ADGRD1: variants seen among roughly 807,000 people sequenced by gnomAD.
The protein encoded by ADGRD1 is adhesion G protein-coupled receptor D1.
ADGRD1 carries 77 observed loss-of-function variants against 113.4 expected under a neutral mutation model. The ratio of observed to expected loss-of-function variants is 0.68; its 90% CI spans 0.57 to 0.82. ADGRD1 has a LOEUF of 0.82. ADGRD1 is among the 40% of genes least tolerant of loss of function. The pLI is 0.00. For synonymous variants in ADGRD1, 474 were observed against 475.0 expected (o/e 1.00, Z 0.03); for missense variants, 1,036 against 1,139.1 (o/e 0.91, Z 1.30).
rs76740931 is a variant in ADGRD1 at position 131,077,391 on chromosome 12, C to T, written c.1547+517C>T. On this transcript the variant is annotated intron_variant, in intron 14 of 24. Transcript: ENST00000261654. ...TGGGCCCTGACTGGGACGTCCTCCC[C>T]AGCATCTCCCATGTCCACTTGTCAC... 4.9e-4 allele frequency among the ~76,000 whole-genome samples: 75 copies of T among 152,348 alleles called. No homozygotes were observed. The East Asian group carries it at 8.7e-3, about 18-fold the overall frequency.
rs1167183103 is a variant in ADGRD1, at chr12:131,057,707, T to G, written c.1474-19094T>G. On this transcript the variant is annotated intron_variant, in intron 13 of 24. Coordinates refer to ENST00000261654, the MANE Select transcript of ADGRD1 (RefSeq NM_198827.5). This position sits in a 1 kb window ranked among gnomAD's most constrained non-coding sequence, Gnocchi z 4.2. ...CACAGTCTCATCTTCAACGTTACAT[T>G]AATGACATCTGCAAGGACCCCATTT... is the stretch of plus-strand genomic sequence containing the variant. Among the ~76,000 whole-genome samples, 1 of 152,140 alleles carries G rather than the reference T, an allele frequency of 6.6e-6. No homozygotes were observed. The highest frequency in any genetic ancestry group is 1.5e-5 in the Non-Finnish European group (1 of 68,016).
At chr12:131,131,897 A>T in intron 21 of ADGRD1, 81 bp downstream of exon 21, 1 of 883,906 alleles carries the variant, frequency 1.1e-6, no homozygotes, top group South Asian at 1.4e-5. Flanking sequence ...AGAGATAGCC[A>T]CTCCTGCCTC....
chr12:131,116,182 T>TAC (rs1434404416), intron 18 of ADGRD1, among the ~76,000 whole-genome samples: 2 of 152,224 alleles, frequency 1.3e-5, no homozygotes, highest in African/African-American at 4.8e-5. Context: ...CCTTTGTCCT[T>TAC]ACCCATGGCT....
intron 13 of ADGRD1, among the ~76,000 whole-genome samples, chr12:131,031,376 C>T (rs562938297): frequency 3.9e-5 from 6 of 152,156 alleles, no homozygotes; most frequent in Non-Finnish European, 7.3e-5. Context: ...CAGGAGAATT[C>T]GGGGAGACTG....
intron 21 of ADGRD1, among the ~76,000 whole-genome samples, chr12:131,132,307 C>T (rs1593271766): frequency 1.3e-5 from 2 of 152,170 alleles, no homozygotes; most frequent in African/African-American, 2.4e-5. Flanking sequence ...TGGGCTGCCC[C>T]GCCTGGAGAA....
chr12:131,069,672 G>A (rs1885002955), intron 13 of ADGRD1: 1 of 152,564 alleles, frequency 6.6e-6, no homozygotes, highest in Admixed American at 6.5e-5. Context: ...CTCCTGAGCA[G>A]AAAGGTAGTT....
intron 5 of ADGRD1, among the ~76,000 whole-genome samples, chr12:130,985,175 G>A (rs904007910): frequency 3.3e-5 from 5 of 151,654 alleles, no homozygotes; most frequent in Middle Eastern, 3.4e-3. Context: ...GGCTTCAAGC[G>A]ATCCTCCCAT....
chr12:131,005,832 G>A lies in ADGRD1; in HGVS notation c.1256-140G>A, dbSNP rs191804989. The A allele has an allele frequency of 5.6e-4, 384 of 684,954 alleles. No homozygotes were observed. In the African/African-American group the frequency reaches 5.9e-3, roughly 10 times the overall value. 42.4% of individuals were successfully genotyped at this position (684,954 alleles called of 1,614,324 possible). On this transcript the variant is annotated intron_variant, in intron 11 of 24. Transcript: ENST00000261654. ...GTCTTTGTCCTTGCAAATTCTGCCC[G>A]AGTGTCCTTCACTTCCTTCTCCCCA...
intron 15 of ADGRD1, among the ~76,000 whole-genome samples, chr12:131,093,998 CCTGAGCACCCAGCCTCAGCACCCAGCG>C (rs1384797455): frequency 7.0e-4 from 55 of 79,134 alleles, no homozygotes; most frequent in Admixed American, 6.0e-3. Context: ...AGCACCCAGC[CCTGAGCACCCAGCCTCAGCACCCAGCG>C]TCAGCACCCA....
At chr12:130,976,923 G>A (rs1321673440) in intron 4 of ADGRD1, 2 of 152,384 alleles carry the variant, frequency 1.3e-5, no homozygotes, top group African/African-American at 4.8e-5. Context: ...CTACTCAGGA[G>A]GCTGAGGTGG....
intron 15 of ADGRD1, among the ~76,000 whole-genome samples, chr12:131,102,842 T>C (rs1205799054): frequency 2.0e-5 from 3 of 152,116 alleles, no homozygotes; most frequent in Non-Finnish European, 4.4e-5. Flanking sequence ...GAAGGAGTAG[T>C]GGGGCTCTCC....
intron 9 of ADGRD1, chr12:131,002,586 G>C: frequency 9.5e-7 from 1 of 1,057,918 alleles, no homozygotes; most frequent in Non-Finnish European, 1.2e-6. Context: ...GGTGATGTGT[G>C]TCTGAGGATG....
chr12:130,992,788 A>T (rs1874601928), intron 8 of ADGRD1, among the ~76,000 whole-genome samples: 1 of 152,284 alleles, frequency 6.6e-6, no homozygotes, highest in Non-Finnish European at 1.5e-5. Context: ...GCCTGTGCAC[A>T]GTGGGAGTCC....
intron 16 of ADGRD1, among the ~76,000 whole-genome samples, 165 bp from the exon 17 acceptor site, chr12:131,105,589 C>A (rs1950215363): frequency 6.6e-6 from 1 of 152,128 alleles, no homozygotes. Flanking sequence ...GGGGTCAGAT[C>A]CAAGAGCAAT....
At position 131,136,110 on chromosome 12, in the gene ADGRD1, A is replaced by G; in HGVS notation, c.2341A>G (p.Asn781Asp). The change falls in exon 22 of 25, where the codon AAC becomes GAC. Residue 781 changes from asparagine (N) to aspartate (D), a missense_variant. By Grantham distance (23) the Asn-to-Asp change is conservative. Coordinates refer to ENST00000261654, the MANE Select transcript of ADGRD1 (RefSeq NM_198827.5). ...GTGGGTCTTTGGCGTGCTTGCTGTC[A>G]ACGGTTGTGCTGTGGTTTTCCAGTA... ...TSWVFGVLAVNGCAVVFQYMF... is the reference protein window; with the variant it reads ...TSWVFGVLAVDGCAVVFQYMF... 6.2e-7 allele frequency: 1 copy of G among 1,614,166 alleles called. No homozygotes were observed. The highest frequency in any genetic ancestry group is 2.2e-5 in the East Asian group (1 of 44,874).
chr12:130,960,157 T>C (rs1314764878), intron 2 of ADGRD1, among the ~76,000 whole-genome samples: 1 of 152,244 alleles, frequency 6.6e-6, no homozygotes, highest in Non-Finnish European at 1.5e-5. Flanking sequence ...TGCCATTTTA[T>C]ACATGACATT....
intron 6 of ADGRD1, 114 bp downstream of exon 6, chr12:130,987,463 G>A: frequency 8.5e-7 from 1 of 1,174,224 alleles, no homozygotes; most frequent in Non-Finnish European, 1.2e-6. Context: ...GCAGGCGTGA[G>A]ATGTGTCCTA....
Position 131,003,792 on chromosome 12 carries a change from C to T in ADGRD1, c.1145-394C>T, listed in dbSNP as rs971419136. On this transcript the variant is annotated intron_variant, in intron 10 of 24. Transcript: ENST00000261654. The surrounding 1 kb of genome is among the most constrained non-coding windows in gnomAD (Gnocchi z 4.8). Reference sequence around the variant, plus strand: ...CCGAGCTGGGGAAAATGGGCTGAAGCTACAGGGGTTAGTTTAGTCGCAGTT... The same window carrying T: ...CCGAGCTGGGGAAAATGGGCTGAAGTTACAGGGGTTAGTTTAGTCGCAGTT... 1.3e-5 allele frequency among the ~76,000 whole-genome samples: 2 copies of T among 152,224 alleles called. No individual in the cohort carries two copies. Among genetic ancestry groups the T allele is most frequent in the African/African-American group, 2.4e-5 (1 of 41,472 alleles).
intron 8 of ADGRD1, among the ~76,000 whole-genome samples, chr12:130,998,822 G>A (rs189479906): frequency 5.9e-5 from 9 of 152,262 alleles, no homozygotes; most frequent in Admixed American, 3.9e-4. Context: ...GCAGCTGGAC[G>A]GGAAAATGGC....
Sources: allele counts gnomAD v4.1 joint callset (sites outside exome capture counted in the v4.1 genomes callset), GRCh38; gene constraint gnomAD v4.1.1; non-coding constraint Gnocchi (gnomAD v3.1); transcripts MANE v1.5; gene names NCBI Gene and HGNC (gene_info 2026-07-23, HGNC 2026-07-21).